The following TMEM94 variants were observed in gnomAD, a reference collection of about 807,000 sequenced individuals.
TMEM94 encodes the protein transmembrane protein 94.
TMEM94 carries 81 observed loss-of-function variants against 158.6 expected under a neutral mutation model. The observed-to-expected ratio is 0.51, with a 90% CI of 0.43 to 0.61. The LOEUF is 0.61. TMEM94 is among the 20% of genes least tolerant of loss of function. The probability of loss-of-function intolerance (pLI) is 0.00; values close to 1 mark genes in which losing one functional copy is unlikely to be tolerated. For missense variants in TMEM94, 1,435 were observed against 1,762.0 expected (o/e 0.81, Z 3.32); for synonymous variants, 751 against 730.7 (o/e 1.03, Z -0.45).
rs184123757 is a variant in TMEM94, at chr17:75,461,991, T to G, written c.-107+5240T>G. ...ATCTCCTATATAAATTTTACAGTTT[T>G]TTTTGTTTTGTTTTGTTTTGTTTTT... On this transcript the variant is annotated intron_variant, in intron 1 of 31. Transcript: ENST00000314256. Among the ~76,000 whole-genome samples the G allele has an allele frequency of 5.7e-5, 6 of 105,476 alleles. No homozygotes were observed. In the East Asian group the frequency reaches 6.9e-4, roughly 12 times the overall value. The allele number at this position is 105,476 out of a possible 152,430, so 69.2% of individuals were successfully genotyped here. A position where few individuals can be genotyped will look rare whatever the true frequency, so the allele number is the denominator to read the frequency against.
At chr17:75,468,975 G>A (rs2050401850) in intron 1 of TMEM94, among the ~76,000 whole-genome samples, 1 of 152,144 alleles carries the variant, frequency 6.6e-6, no homozygotes, top group Non-Finnish European at 1.5e-5. Flanking sequence ...ACACACCCTG[G>A]TCTGAGATCA....
In TMEM94 at chr17:75,488,611, G is replaced by A. The variant is rs117911754; in HGVS notation, c.613-148G>A. On this transcript the variant is annotated intron_variant, in intron 6 of 31. Transcript: ENST00000314256. Reference sequence around the variant, plus strand: ...GTGCTGTTCTTTATTCTCGCTAAAAGTCTAGTCCCACAGGCCCTGTCCCAG... The same window carrying A: ...GTGCTGTTCTTTATTCTCGCTAAAAATCTAGTCCCACAGGCCCTGTCCCAG... 180 of 894,650 alleles carry A rather than the reference G, an allele frequency of 2.0e-4. 2 individuals are homozygous for A. The East Asian group carries it at 4.5e-3, about 22-fold the overall frequency. 55.4% of individuals were successfully genotyped at this position (894,650 alleles called of 1,614,324 possible). A position where few individuals can be genotyped will look rare whatever the true frequency, so the allele number is the denominator to read the frequency against.
rs771058276 is a variant in TMEM94, at chr17:75,499,272, C to T, written c.4009C>T (p.Arg1337Cys). 5 of 1,613,530 alleles carry T rather than the reference C, an allele frequency of 3.1e-6. No individual in the cohort carries two copies. The highest frequency in any genetic ancestry group is 3.3e-4 in the Middle Eastern group (2 of 6,080). ...VKLHEIRVRV[R>C]YQKRQKLQFE... ...CTCCTGCCCCACCAGGGTCCGAGTCCGCTACCAGAAGCGACAGAAGCTGCA... is the reference window on the plus strand; with the variant it reads ...CTCCTGCCCCACCAGGGTCCGAGTCTGCTACCAGAAGCGACAGAAGCTGCA... The change falls in exon 32 of 32, where the codon CGC (arginine) becomes TGC (cysteine). Residue 1337 changes from arginine to cysteine, a missense_variant. This residue lies in a region of TMEM94 where 335 missense variants were observed against 409.1 expected (regional missense o/e 0.82). Transcript: ENST00000314256.
At chr17:75,465,427 T>A (rs1025933221) in intron 1 of TMEM94, among the ~76,000 whole-genome samples, 3 of 151,482 alleles carry the variant, frequency 2.0e-5, no homozygotes, top group African/African-American at 7.3e-5. Context: ...CTCTGCCTGT[T>A]TATTATTTAT....
intron 2 of TMEM94, among the ~76,000 whole-genome samples, chr17:75,481,141 T>C (rs1357835590): frequency 1.3e-5 from 2 of 152,192 alleles, no homozygotes; most frequent in African/African-American, 2.4e-5. Context: ...CTTCCCTCCA[T>C]GTCAGGAGCT....
Position 75,499,483 on chromosome 17 carries a change from T to C in TMEM94, c.*149T>C. ...CCCAGCTCCCCGTGTCAGACCCCGC[T>C]GTCTTCCTGAGCCCTGGGGCTCACT... On this transcript the variant is annotated 3_prime_UTR_variant, in exon 32 of 32. Coordinates refer to ENST00000314256, the MANE Select transcript of TMEM94 (RefSeq NM_014738.6). 1 of 721,636 alleles carries C rather than the reference T, an allele frequency of 1.4e-6. No homozygotes were observed. The allele number at this position is 721,636 out of a possible 1,614,324, so 44.7% of individuals were successfully genotyped here. A position where few individuals can be genotyped will look rare whatever the true frequency, so the allele number is the denominator to read the frequency against.
intron 31 of TMEM94, 75 bp from the exon 32 acceptor site, chr17:75,499,187 C>A (rs2053069620): frequency 2.5e-6 from 4 of 1,597,032 alleles, no homozygotes; most frequent in Non-Finnish European, 2.6e-6. Context: ...TCCCTCCCTC[C>A]TCCTCTGGTG....
intron 11 of TMEM94, 43 bp downstream of exon 11, chr17:75,490,801 A>G: frequency 6.4e-7 from 1 of 1,570,808 alleles, no homozygotes; most frequent in Non-Finnish European, 8.8e-7. Context: ...AGGTCCCTAG[A>G]GCCATAACCC....
chr17:75,474,642 T>C (rs1394087965), intron 2 of TMEM94, among the ~76,000 whole-genome samples: 1 of 152,016 alleles, frequency 6.6e-6, no homozygotes, highest in Non-Finnish European at 1.5e-5. Flanking sequence ...GCAGAATCTC[T>C]AAAAAACAAA....
chr17:75,462,004 TTG>T (rs1466854475), intron 1 of TMEM94, among the ~76,000 whole-genome samples: 2 of 105,176 alleles, frequency 1.9e-5, no homozygotes, highest in African/African-American at 3.9e-5. Context: ...TTGTTTTGTT[TTG>T]TTTTGTTTTT....
Position 75,489,184 on chromosome 17 carries a change from G to T in TMEM94, c.765-82G>T. ...CACGGTGCTTGAAGAAGCGGTATCT[G>T]GCAGAGAGGCCCAGAATCCTCCCAA... On this transcript the variant is annotated intron_variant, in intron 7 of 31. Transcript: ENST00000314256. This position sits in a 1 kb window ranked among gnomAD's most constrained non-coding sequence, Gnocchi z 5.0. 7.5e-7 allele frequency: 1 copy of T among 1,340,344 alleles called. No homozygotes were observed. The highest frequency in any genetic ancestry group is 1.2e-5 in the South Asian group (1 of 82,660). 83.0% of individuals were successfully genotyped at this position (1,340,344 alleles called of 1,614,324 possible).
chr17:75,492,551 G>A lies in TMEM94; in HGVS notation c.1674G>A (p.Leu558=), dbSNP rs148729928. 23 of 1,613,844 alleles carry A rather than the reference G, an allele frequency of 1.4e-5. No homozygotes were observed. Among genetic ancestry groups the A allele is most frequent in the Non-Finnish European group, 1.5e-5 (18 of 1,179,976 alleles). ...VCDYHLEMLS[L]SQDQQNPSCI... is the part of the protein sequence containing the mutation. ...ACTACCACCTGGAGATGCTGAGCCT[G>A]TCCCAGGACCAGCAGAACCCCTCCT... The change falls in exon 15 of 32, where the codon CTG becomes CTA. Residue 558 remains leucine, a synonymous_variant. Coordinates refer to ENST00000314256, the MANE Select transcript of TMEM94 (RefSeq NM_014738.6). This position sits in a 1 kb window ranked among gnomAD's most constrained non-coding sequence, Gnocchi z 4.4.
At chr17:75,482,554 AT>A (rs1203707615) in intron 2 of TMEM94, among the ~76,000 whole-genome samples, 1 of 151,694 alleles carries the variant, frequency 6.6e-6, no homozygotes, top group African/African-American at 2.4e-5. Flanking sequence ...GTATGTATGT[AT>A]GTATGTATGT....
intron 19 of TMEM94, 23 bp downstream of exon 19, chr17:75,494,831 C>T: frequency 6.2e-7 from 1 of 1,613,020 alleles, no homozygotes; most frequent in African/African-American, 1.3e-5. Flanking sequence ...ATCCCTTCTG[C>T]CACCACTAAC....
chr17:75,495,427 T>C lies in TMEM94; in HGVS notation c.2844+28T>C. ...ACGATGGCAGGATCTGTCTCACGTG[T>C]TCCTGTAGTGGTCCCATAGCTGGTC... On this transcript the variant is annotated intron_variant, in intron 21 of 31. Transcript: ENST00000314256. The surrounding 1 kb of genome is among the most constrained non-coding windows in gnomAD (Gnocchi z 5.6). The C allele has an allele frequency of 6.3e-7, 1 of 1,596,526 alleles. No individual in the cohort carries two copies. Among genetic ancestry groups the C allele is most frequent in the Non-Finnish European group, 8.6e-7 (1 of 1,164,508 alleles).
chr17:75,486,407 G>A lies in TMEM94; in HGVS notation c.390G>A (p.Gly130=). ...KRREVERRLR[G]IIDQIQDALR... Reference sequence around the variant, plus strand: ...GGGAGGTAGAGCGGAGGCTGCGAGGGATCATTGACCAAATCCAAGGTGAGG... The same window carrying A: ...GGGAGGTAGAGCGGAGGCTGCGAGGAATCATTGACCAAATCCAAGGTGAGG... The change falls in exon 5 of 32, where the codon GGG becomes GGA. Residue 130 remains glycine, a synonymous_variant. Coordinates refer to ENST00000314256, the MANE Select transcript of TMEM94 (RefSeq NM_014738.6). 6.2e-7 allele frequency: 1 copy of A among 1,614,242 alleles called. No homozygotes were observed. Among genetic ancestry groups the A allele is most frequent in the Non-Finnish European group, 8.5e-7 (1 of 1,180,040 alleles).
chr17:75,466,383 A>G (rs576379680), intron 1 of TMEM94, among the ~76,000 whole-genome samples: 2 of 152,188 alleles, frequency 1.3e-5, no homozygotes, highest in Non-Finnish European at 2.9e-5. Flanking sequence ...TAAATCTTCA[A>G]ATCAGGTAGT....
chr17:75,493,812 A>C lies in TMEM94; in HGVS notation c.2303A>C (p.Glu768Ala). ...TCTCAGCTCAATGGCAAGTGCATCG[A>C]GCTGGTACAGGTGCCCGGCCAAAGC... ...LSSQLNGKCIELVQVPGQSSI... is the reference protein window; with the variant it reads ...LSSQLNGKCIALVQVPGQSSI... Residue 768 changes from glutamate to alanine, a missense_variant, in exon 18 of 32, where the codon GAG becomes GCG. By Grantham distance (107) the Glu-to-Ala change is moderately radical (BLOSUM62 -1). Around this residue, in one of 3 missense-constraint regions of TMEM94, gnomAD observed 1,051 missense variants for 1,254.4 expected, o/e 0.84. Transcript: ENST00000314256. 1.9e-6 allele frequency: 3 copies of C among 1,613,898 alleles called. No homozygotes were observed. Among genetic ancestry groups the C allele is most frequent in the Non-Finnish European group, 2.5e-6 (3 of 1,180,022 alleles).
Position 75,492,814 on chromosome 17 carries a change from G to A in TMEM94, c.1912+25G>A. The A allele has an allele frequency of 6.3e-7, 1 of 1,590,048 alleles. No homozygotes were observed. ...GGTACAGGTCCCCATGGCAGGGGAT[G>A]GCTGGCTGGACCCGCCTCCTAGAAG... On this transcript the variant is annotated intron_variant, in intron 15 of 31. Transcript: ENST00000314256. The surrounding 1 kb of genome is among the most constrained non-coding windows in gnomAD (Gnocchi z 4.4).
Sources: allele counts gnomAD v4.1 joint callset (sites outside exome capture counted in the v4.1 genomes callset), GRCh38; gene constraint gnomAD v4.1.1; regional missense constraint gnomAD v4.1.1; non-coding constraint Gnocchi (gnomAD v3.1); transcripts MANE v1.5; gene names NCBI Gene and HGNC (gene_info 2026-07-23, HGNC 2026-07-21).